SLMAP: variants seen among roughly 807,000 people sequenced by gnomAD.
SLMAP encodes sarcolemmal membrane-associated protein.
In SLMAP, 44 loss-of-function variants were observed where a neutral mutation model predicts 128.8. The observed-to-expected ratio is 0.34, with a 90% CI of 0.27 to 0.44. SLMAP has a LOEUF of 0.44. Ranked by LOEUF, SLMAP falls within the 20% of genes least tolerant of loss-of-function variation. The probability of loss-of-function intolerance (pLI) is 1.00; values close to 1 mark genes in which losing one functional copy is unlikely to be tolerated. For synonymous variants in SLMAP, 327 were observed against 348.8 expected, an observed-to-expected ratio of 0.94 and a Z score of 0.70; for missense variants, 787 against 985.3, an observed-to-expected ratio of 0.80 and a Z score of 2.69.
intron 24 of SLMAP, among the ~76,000 whole-genome samples, 164 bp from the exon 25 acceptor site, chr3:57,927,132 C>T (rs952401262): frequency 1.4e-5 from 2 of 141,482 alleles, no homozygotes; most frequent in Non-Finnish European, 3.1e-5. Context: ...TATACCTGCA[C>T]TCCCTCACTT....
At chr3:57,884,231 T>C (rs2095821627) in intron 14 of SLMAP, among the ~76,000 whole-genome samples, 2 of 152,198 alleles carry the variant, frequency 1.3e-5, no homozygotes, top group African/African-American at 4.8e-5. Flanking sequence ...ACCAGGCTGA[T>C]ACTTTGTATT....
At chr3:57,866,231 C>T (rs1195618945) in intron 13 of SLMAP, among the ~76,000 whole-genome samples, 1 of 151,932 alleles carries the variant, frequency 6.6e-6, no homozygotes, top group Non-Finnish European at 1.5e-5. Context: ...ATAATTGTGC[C>T]ACTGCACTCC....
intron 2 of SLMAP, among the ~76,000 whole-genome samples, chr3:57,766,033 C>G (rs1310577907): frequency 7.0e-6 from 1 of 143,618 alleles, no homozygotes; most frequent in Non-Finnish European, 1.5e-5. Flanking sequence ...GAGTCTTGCT[C>G]TGTTGCCCAG....
At chr3:57,838,777 T>G (rs1037149846) in intron 3 of SLMAP, among the ~76,000 whole-genome samples, 6 of 152,066 alleles carry the variant, frequency 3.9e-5, no homozygotes, top group African/African-American at 1.4e-4. Flanking sequence ...GTAAAAGGCA[T>G]GGGGCTGTGA....
chr3:57,871,742 G>A, intron 14 of SLMAP, 44 bp downstream of exon 14: 1 of 1,449,764 alleles, frequency 6.9e-7, no homozygotes, highest in Non-Finnish European at 9.7e-7. Flanking sequence ...TGAAGTCAGG[G>A]GCTAAAACTT....
chr3:57,821,527 G>A (rs924778474), intron 2 of SLMAP, among the ~76,000 whole-genome samples: 2 of 152,090 alleles, frequency 1.3e-5, no homozygotes, highest in Non-Finnish European at 1.5e-5. Flanking sequence ...TGCTTTGTTA[G>A]CCAGGAAGCC....
intron 13 of SLMAP, among the ~76,000 whole-genome samples, chr3:57,869,641 T>TATATATATATATATA (rs1360743110): frequency 6.3e-5 from 8 of 127,618 alleles, no homozygotes; most frequent in African/African-American, 2.5e-4. Context: ...TATATATATA[T>TATATATATATATATA]ATATATATAT....
intron 2 of SLMAP, among the ~76,000 whole-genome samples, chr3:57,759,430 AC>A (rs2078188151): frequency 6.6e-6 from 1 of 152,062 alleles, no homozygotes; most frequent in Admixed American, 6.6e-5. Context: ...GGCACACGCC[AC>A]CATGCCTGGT....
chr3:57,843,723 TTTC>T, intron 4 of SLMAP, among the ~76,000 whole-genome samples: 2 of 150,948 alleles, frequency 1.3e-5, no homozygotes, highest in Non-Finnish European at 1.5e-5. Flanking sequence ...TTTCTTTCTT[TTTC>T]TTTCTTTCTT....
At position 57,885,771 on chromosome 3, in the gene SLMAP, CTTTTTTTTTTTTTTT is replaced by C. The variant is rs35541333; in HGVS notation, c.1301-4254_1301-4240del. 4.1e-4 allele frequency among the ~76,000 whole-genome samples: 22 copies of C among 53,580 alleles called. No individual in the cohort carries two copies. The South Asian group carries it at 0.018, about 43-fold the overall frequency. The allele number at this position is 53,580 out of a possible 152,430, so 35.2% of individuals were successfully genotyped here. On this transcript the variant is annotated intron_variant, in intron 14 of 24. Transcript: ENST00000671191. ...TTGTTTTGCTTTTCGGTTTTTGGTTCTTTTTTTTTTTTTTTTTTTTTTTTTTTTTTGAGACAGAGT... is the reference window on the plus strand; with the variant it reads ...TTGTTTTGCTTTTCGGTTTTTGGTTCTTTTTTTTTTTTTTTGAGACAGAGT...
intron 2 of SLMAP, among the ~76,000 whole-genome samples, chr3:57,831,022 A>G (rs1477716068): frequency 1.3e-5 from 2 of 152,208 alleles, no homozygotes; most frequent in African/African-American, 4.8e-5. Context: ...TATTATGAAT[A>G]ATGCCAACAT....
At chr3:57,831,336 A>C in intron 2 of SLMAP, 47 bp from the exon 3 acceptor site, 3 of 1,248,438 alleles carry the variant, frequency 2.4e-6, no homozygotes, top group Non-Finnish European at 3.2e-6. Flanking sequence ...ATTTGGAATT[A>C]TTACTATTAA....
rs2096577428 is a variant in SLMAP at position 57,906,677 on chromosome 3, ATATATATAT to A, written c.1502-1206_1502-1198del. On this transcript the variant is annotated intron_variant, in intron 17 of 24. Transcript: ENST00000671191. ...TAATCTATGAATATGAAAAAAAAAT[ATATATATAT>A]ATATATATATATATAATTTCCAAAA... Among the ~76,000 whole-genome samples, 482 of 80,844 alleles carry A rather than the reference ATATATATAT, an allele frequency of 6.0e-3. 3 individuals carry two copies. Among genetic ancestry groups the A allele is most frequent in the African/African-American group, 0.023 (471 of 20,556 alleles). The allele number at this position is 80,844 out of a possible 152,430, so 53.0% of individuals were successfully genotyped here. A position where few individuals can be genotyped will look rare whatever the true frequency, so the allele number is the denominator to read the frequency against.
chr3:57,871,766 A>C, intron 14 of SLMAP, 68 bp downstream of exon 14: 1 of 1,170,166 alleles, frequency 8.5e-7, no homozygotes, highest in Non-Finnish European at 1.3e-6. Context: ...AGTGAGAGGT[A>C]AAATGAGGAT....
At chr3:57,882,702 A>G (rs375068100) in intron 14 of SLMAP, among the ~76,000 whole-genome samples, 1 of 152,302 alleles carries the variant, frequency 6.6e-6, no homozygotes, top group South Asian at 2.1e-4. Flanking sequence ...CTGTGGGGGT[A>G]TAGTTGACTG....
intron 8 of SLMAP, among the ~76,000 whole-genome samples, chr3:57,859,563 C>T (rs958191655): frequency 1.3e-5 from 2 of 151,668 alleles, no homozygotes; most frequent in African/African-American, 2.4e-5. Flanking sequence ...TCTAAAAAAA[C>T]GAAAAAAGGA....
At chr3:57,789,612 A>G (rs57117262) in intron 2 of SLMAP, among the ~76,000 whole-genome samples, 38,031 of 152,018 alleles carry the variant, frequency 0.25, 5,235 homozygotes, top group East Asian at 0.48. Context: ...ATGAGCCTAG[A>G]AGAGAGTTCA....
At chr3:57,845,555 C>CA (rs2094199364) in intron 4 of SLMAP, among the ~76,000 whole-genome samples, 2 of 152,192 alleles carry the variant, frequency 1.3e-5, no homozygotes, top group Non-Finnish European at 2.9e-5. Context: ...AGTCAACCTT[C>CA]AAGCTAACCA....
At chr3:57,762,967 G>A (rs2078990491) in intron 2 of SLMAP, among the ~76,000 whole-genome samples, 1 of 152,052 alleles carries the variant, frequency 6.6e-6, no homozygotes. Context: ...CAGGTGATCT[G>A]CCTGCCTCGG....
Sources: allele counts gnomAD v4.1 joint callset (sites outside exome capture counted in the v4.1 genomes callset), GRCh38; gene constraint gnomAD v4.1.1; transcripts MANE v1.5; gene names NCBI Gene and HGNC (gene_info 2026-07-23, HGNC 2026-07-21).